XRN1: variants seen among roughly 807,000 people sequenced by gnomAD.
The protein encoded by XRN1 is 5'-3' exoribonuclease 1, also known as strand-exchange protein 1 homolog.
A neutral mutation model predicts 222.3 loss-of-function variants in XRN1; 67 were observed. The ratio of observed to expected loss-of-function variants is 0.30; its 90% CI spans 0.25 to 0.37. The LOEUF is 0.37. Ranked by LOEUF, XRN1 falls within the 10% of genes least tolerant of loss-of-function variation. The pLI is 1.00. For synonymous variants in XRN1, 643 were observed against 652.4 expected (o/e 0.99, Z 0.22); for missense variants, 1,707 against 2,000.2 (o/e 0.85, Z 2.80).
At chr3:142,377,765 G>C (rs1298972159) in intron 23 of XRN1, among the ~76,000 whole-genome samples, 2 of 152,124 alleles carry the variant, frequency 1.3e-5, no homozygotes. Flanking sequence ...TAAAGAGAAA[G>C]AAACAACACT....
At chr3:142,354,995 G>A (rs1373997632) in intron 32 of XRN1, among the ~76,000 whole-genome samples, 1 of 151,560 alleles carries the variant, frequency 6.6e-6, no homozygotes, top group Non-Finnish European at 1.5e-5. Context: ...ATACTATATG[G>A]TTCTCACTTA....
intron 37 of XRN1, among the ~76,000 whole-genome samples, chr3:142,329,228 T>C (rs554823691): frequency 6.6e-6 from 1 of 152,288 alleles, no homozygotes; most frequent in African/African-American, 2.4e-5. Context: ...CCAGGATACC[T>C]GCTGCCCAGT....
chr3:142,338,093 T>C (rs2065896483), intron 33 of XRN1, among the ~76,000 whole-genome samples: 1 of 152,160 alleles, frequency 6.6e-6, no homozygotes, highest in Non-Finnish European at 1.5e-5. Flanking sequence ...TTGCAGCCTT[T>C]TACTTGCTAG....
At position 142,365,056 on chromosome 3, in the gene XRN1, T is replaced by C. The variant is rs891962923; in HGVS notation, c.3385A>G (p.Ile1129Val). 1.9e-6 allele frequency: 3 copies of C among 1,612,720 alleles called. No individual in the cohort carries two copies. The African/African-American group carries it at 4.0e-5, about 22-fold the overall frequency. Residue 1129 changes from isoleucine to valine, a missense_variant, in exon 29 of 41, where the codon ATA becomes GTA. Around this residue, in one of 2 missense-constraint regions of XRN1, gnomAD observed 1,234 missense variants for 1,518.2 expected, o/e 0.81. Transcript: ENST00000392981. ...PVGLRGTIIG[I>V]KGANREADVL... ...AGTATTAGGATATTACCTCCTTTTA[T>C]TCCTATGATGGTGCCTCGAAGGCCA...
At chr3:142,317,535 G>A (rs965870471) in intron 39 of XRN1, among the ~76,000 whole-genome samples, 4 of 152,110 alleles carry the variant, frequency 2.6e-5, no homozygotes, top group Admixed American at 1.3e-4. Flanking sequence ...CTTAATCTCT[G>A]TGTTTTCAGT....
chr3:142,419,762 C>T (rs1054246734), intron 10 of XRN1, among the ~76,000 whole-genome samples: 4 of 151,500 alleles, frequency 2.6e-5, no homozygotes, highest in Non-Finnish European at 4.4e-5. Flanking sequence ...GAGCCAAGAT[C>T]GCGCCACTGC....
rs1000428363 is a variant in XRN1, at chr3:142,333,197, T to C, written c.3940-108A>G. ...GTCATTCGATTTTCACTCAATCATCTTCCCAGGTGTTAAAGTTTGGGAAGA... is the reference window on the plus strand; with the variant it reads ...GTCATTCGATTTTCACTCAATCATCCTCCCAGGTGTTAAAGTTTGGGAAGA... On this transcript the variant is annotated intron_variant, in intron 34 of 40. Coordinates refer to ENST00000392981, the MANE Select transcript of XRN1 (RefSeq NM_001282857.2). The C allele has an allele frequency of 2.2e-5, 27 of 1,247,880 alleles. No homozygotes were observed. The African/African-American group carries it at 3.1e-4, about 14-fold the overall frequency. The allele number at this position is 1,247,880 out of a possible 1,614,324, so 77.3% of individuals were successfully genotyped here. A position where few individuals can be genotyped will look rare whatever the true frequency, so the allele number is the denominator to read the frequency against.
chr3:142,360,713 T>TAA (rs546169839), intron 29 of XRN1, among the ~76,000 whole-genome samples: 4,899 of 145,224 alleles, frequency 0.034, 251 homozygotes, highest in African/African-American at 0.11. Context: ...AAATAAAAAA[T>TAA]AAAAAAAAAA....
intron 33 of XRN1, 38 bp downstream of exon 33, chr3:142,347,196 C>G: frequency 7.8e-7 from 1 of 1,287,990 alleles, no homozygotes; most frequent in Non-Finnish European, 1.1e-6. Context: ...AAAAAAGAAG[C>G]AGCACACACA....
intron 20 of XRN1, among the ~76,000 whole-genome samples, chr3:142,387,720 A>C (rs1577342917): frequency 6.6e-6 from 1 of 152,282 alleles, no homozygotes; most frequent in East Asian, 1.9e-4. Flanking sequence ...TCCAATCCCT[A>C]ATGTTGGAGA....
At chr3:142,415,961 A>G (rs2068769169) in intron 13 of XRN1, among the ~76,000 whole-genome samples, 1 of 152,184 alleles carries the variant, frequency 6.6e-6, no homozygotes, top group African/African-American at 2.4e-5. Context: ...TATTCTCCAT[A>G]AAAGCAAATA....
intron 20 of XRN1, among the ~76,000 whole-genome samples, chr3:142,388,556 C>G (rs908464507): frequency 6.6e-6 from 1 of 152,142 alleles, no homozygotes; most frequent in Admixed American, 6.5e-5. Context: ...TAGTAGTTAA[C>G]TTTTTGTTAG....
rs149802163 is a variant in XRN1, at chr3:142,412,278, C to T, written c.1713+266G>A. The stretch of plus-strand genomic sequence containing the variant: ...GATTTTTATGTCTTCTTGAACTGAA[C>T]TGACTCTTTTATCTGTATAAAATAT... On this transcript the variant is annotated intron_variant, in intron 15 of 40. Transcript: ENST00000392981. 4.8e-3 allele frequency among the ~76,000 whole-genome samples: 734 copies of T among 152,272 alleles called. 2 individuals are homozygous for T. The highest frequency in any genetic ancestry group is 7.5e-3 in the Non-Finnish European group (507 of 68,024).
chr3:142,353,775 T>C (rs1293298357), intron 32 of XRN1, among the ~76,000 whole-genome samples: 1 of 152,180 alleles, frequency 6.6e-6, no homozygotes, highest in African/African-American at 2.4e-5. Flanking sequence ...TTGAAAAGAA[T>C]GTATGACTAA....
intron 5 of XRN1, among the ~76,000 whole-genome samples, chr3:142,424,342 C>T (rs1032596235): frequency 1.3e-5 from 2 of 152,108 alleles, no homozygotes; most frequent in Non-Finnish European, 1.5e-5. Context: ...ATGATCTGGC[C>T]GCCTCGGCCT....
At chr3:142,334,199 T>C (rs1344386130) in intron 34 of XRN1, among the ~76,000 whole-genome samples, 1 of 152,140 alleles carries the variant, frequency 6.6e-6, no homozygotes, top group African/African-American at 2.4e-5. Context: ...TATCAATCCC[T>C]TTTCTAGAAG....
chr3:142,426,659 G>C (rs752013422), intron 3 of XRN1, 85 bp downstream of exon 3: 7 of 1,310,258 alleles, frequency 5.3e-6, no homozygotes, highest in East Asian at 2.4e-5. Flanking sequence ...AAAATAAATA[G>C]AGCATAGAAA....
chr3:142,307,412 G>A lies in XRN1; in HGVS notation c.*4099C>T, dbSNP rs1172366173. 1 of 151,980 alleles carries A rather than the reference G, an allele frequency of 6.6e-6. No individual in the cohort carries two copies. The highest frequency in any genetic ancestry group is 1.5e-5 in the Non-Finnish European group (1 of 67,988). 9.4% of individuals were successfully genotyped at this position (151,980 alleles called of 1,614,324 possible). On this transcript the variant is annotated 3_prime_UTR_variant, in exon 41 of 41. Coordinates refer to ENST00000392981, the MANE Select transcript of XRN1 (RefSeq NM_001282857.2). ...TACAGGTTTAACTTTGTAAAAAAAT[G>A]TATCTTTTGGAAACCATAGTCTCCT...
chr3:142,383,652 A>G (rs1445146488), intron 21 of XRN1, among the ~76,000 whole-genome samples: 1 of 152,178 alleles, frequency 6.6e-6, no homozygotes. Context: ...GACCATTATT[A>G]GCCTCACTTT....
Sources: gnomAD v4.1 joint callset for allele counts (sites outside exome capture counted in the v4.1 genomes callset) on GRCh38, gnomAD v4.1.1 for gene constraint, gnomAD v4.1.1 regional missense constraint, MANE v1.5 for transcripts, NCBI Gene and HGNC (gene_info 2026-07-23, HGNC 2026-07-21) for gene names.